PTK2: variants seen among roughly 807,000 people sequenced by gnomAD.
The protein encoded by PTK2 is focal adhesion kinase 1.
In PTK2, 45 loss-of-function variants were observed where a neutral mutation model predicts 150.1. The ratio of observed to expected loss-of-function variants is 0.30; its 90% CI spans 0.24 to 0.38. The LOEUF is 0.38. PTK2 is among the 10% of genes least tolerant of loss of function. The pLI is 1.00. For missense variants in PTK2, 919 were observed against 1,307.3 expected (o/e 0.70, Z 4.58); for synonymous variants, 432 against 449.2 (o/e 0.96, Z 0.48).
intron 5 of PTK2, among the ~76,000 whole-genome samples, chr8:140,854,607 C>T (rs916165304): frequency 1.3e-5 from 2 of 151,962 alleles, no homozygotes; most frequent in Non-Finnish European, 2.9e-5. Context: ...ACTGTTATAA[C>T]AAGATTCTAA....
chr8:140,813,287 G>T (rs1292730152), intron 10 of PTK2, among the ~76,000 whole-genome samples: 1 of 152,008 alleles, frequency 6.6e-6, no homozygotes, highest in Non-Finnish European at 1.5e-5. Flanking sequence ...TGACTTTTGG[G>T]TAAATAATGA....
rs181954319 is a variant in PTK2 at position 140,733,238 on chromosome 8, C to A, written c.2030+2013G>T. ...ACCTGGAGGAAGTGAGGAGGAAGGGCTGGCATAGAAGAGAATGTAACAGCT... is the reference window on the plus strand; with the variant it reads ...ACCTGGAGGAAGTGAGGAGGAAGGGATGGCATAGAAGAGAATGTAACAGCT... On this transcript the variant is annotated intron_variant, in intron 22 of 31. Coordinates refer to ENST00000522684, the Ensembl canonical transcript of PTK2. 2.0e-5 allele frequency among the ~76,000 whole-genome samples: 3 copies of A among 152,188 alleles called. No homozygotes were observed. In the East Asian group the frequency reaches 5.8e-4, roughly 29 times the overall value.
chr8:140,994,138 T>C (rs1027138514), intron 1 of PTK2, among the ~76,000 whole-genome samples: 5 of 152,222 alleles, frequency 3.3e-5, no homozygotes, highest in African/African-American at 1.2e-4. Flanking sequence ...TAAAATTTAA[T>C]TAAACATTGT....
intron 3 of PTK2, among the ~76,000 whole-genome samples, chr8:140,889,740 G>C (rs2100153602): frequency 6.6e-6 from 1 of 152,072 alleles, no homozygotes; most frequent in Non-Finnish European, 1.5e-5. Context: ...GTAAGAAAGA[G>C]GAGGTATTTA....
At chr8:140,809,494 G>A (rs372409592) in intron 10 of PTK2, among the ~76,000 whole-genome samples, 5 of 152,142 alleles carry the variant, frequency 3.3e-5, no homozygotes, top group East Asian at 1.9e-4. Context: ...CGACACAAGT[G>A]GAAAATGTGG....
chr8:140,668,658 T>C (rs570585983), intron 29 of PTK2: 4 of 439,146 alleles, frequency 9.1e-6, no homozygotes, highest in African/African-American at 2.0e-5. Flanking sequence ...GGAAATGAGA[T>C]GGAATCATAC....
At chr8:140,803,546 G>T (rs778955569) in exon 11 of PTK2, 1 of 1,605,408 alleles carries the variant, frequency 6.2e-7, no homozygotes, top group African/African-American at 1.3e-5. Flanking sequence ...TCCTTACCTC[G>T]GGTGCACCTG....
chr8:140,902,448 G>A lies in PTK2; in HGVS notation c.-32-11679C>T, dbSNP rs180935243. On this transcript the variant is annotated intron_variant, in intron 2 of 31. Coordinates refer to ENST00000522684, the Ensembl canonical transcript of PTK2. ...ACATGTGCATGTGTCTTTATAGAAT[G>A]ATTTATAATCCTTTGGGTATATACC... Among the ~76,000 whole-genome samples, 983 of 152,298 alleles carry A rather than the reference G, an allele frequency of 6.5e-3. 9 individuals carry two copies. The highest frequency in any genetic ancestry group is 0.01 in the Non-Finnish European group (708 of 68,012).
At chr8:140,897,291 T>C (rs778570659) in intron 2 of PTK2, among the ~76,000 whole-genome samples, 3 of 152,192 alleles carry the variant, frequency 2.0e-5, no homozygotes, top group Non-Finnish European at 2.9e-5. Context: ...GATAAACTTT[T>C]GTTACAATGT....
chr8:140,980,772 A>G (rs1166395883), intron 1 of PTK2, among the ~76,000 whole-genome samples: 1 of 138,730 alleles, frequency 7.2e-6, no homozygotes, highest in African/African-American at 2.7e-5. Flanking sequence ...TTTTTTTGAG[A>G]CAGAGTCTCA....
intron 1 of PTK2, among the ~76,000 whole-genome samples, chr8:140,931,070 C>CA (rs34438579): frequency 0.21 from 23,411 of 111,472 alleles, 2,289 homozygotes; most frequent in East Asian, 0.45. Context: ...GACTCTGTCT[C>CA]AAAAAAAAAA....
At chr8:140,773,261 T>C (rs1246694769) in intron 14 of PTK2, among the ~76,000 whole-genome samples, 2 of 152,214 alleles carry the variant, frequency 1.3e-5, no homozygotes. Context: ...ATTTTAATTA[T>C]TGAACACCTG....
intron 1 of PTK2, among the ~76,000 whole-genome samples, chr8:140,998,450 A>G (rs1469341151): frequency 7.2e-5 from 11 of 152,282 alleles, no homozygotes; most frequent in Non-Finnish European, 1.5e-5. Context: ...TATTTTTTAC[A>G]TTATAGAATA....
At chr8:140,739,063 T>C (rs1032760709) in exon 21 of PTK2, 4 of 1,579,156 alleles carry the variant, frequency 2.5e-6, no homozygotes, top group East Asian at 2.3e-5. Flanking sequence ...CGAAAATTGA[T>C]TGACTCTGGA....
At chr8:140,758,413 C>G (rs957428118) in intron 16 of PTK2, among the ~76,000 whole-genome samples, 2 of 152,088 alleles carry the variant, frequency 1.3e-5, no homozygotes, top group Admixed American at 1.3e-4. Context: ...CAAAACAAAA[C>G]AAAACAAAAA....
At chr8:140,664,204 G>A (rs1255368395) in intron 31 of PTK2, among the ~76,000 whole-genome samples, 2 of 152,104 alleles carry the variant, frequency 1.3e-5, no homozygotes, top group Admixed American at 6.5e-5. Flanking sequence ...GGATGGTCTC[G>A]ATCTCTTGAC....
chr8:140,985,425 C>T (rs980783428), intron 1 of PTK2, among the ~76,000 whole-genome samples: 1 of 152,128 alleles, frequency 6.6e-6, no homozygotes, highest in African/African-American at 2.4e-5. Context: ...TGTGCCTGGC[C>T]TCATGACATT....
At position 140,861,456 on chromosome 8, in the gene PTK2, C is replaced by T. The variant is rs183460431; in HGVS notation, c.450+2856G>A. On this transcript the variant is annotated intron_variant, in intron 5 of 31. Transcript: ENST00000522684. ...GAGAAACTGTAGAAATGAATGACAG[C>T]AAAGAGTGGGGTGGAGGAGCTGAAA... Among the ~76,000 whole-genome samples, 37 of 152,040 alleles carry T rather than the reference C, an allele frequency of 2.4e-4. 1 individual carries two copies. The highest frequency in any genetic ancestry group is 1.5e-5 in the Non-Finnish European group (1 of 67,962).
intron 8 of PTK2, among the ~76,000 whole-genome samples, chr8:140,820,169 G>A (rs1043490718): frequency 1.5e-5 from 2 of 130,458 alleles, no homozygotes; most frequent in African/African-American, 2.9e-5. Flanking sequence ...GCGCAACCTC[G>A]GCTCACTGCA....
Sources: gnomAD v4.1 joint callset for allele counts (sites outside exome capture counted in the v4.1 genomes callset) on GRCh38, gnomAD v4.1.1 for gene constraint, MANE v1.5 for transcripts, NCBI Gene and HGNC (gene_info 2026-07-23, HGNC 2026-07-21) for gene names.